GPT2: variants seen among roughly 807,000 people sequenced by gnomAD.
GPT2 encodes alanine aminotransferase 2.
GPT2 carries 30 observed loss-of-function variants against 56.9 expected under a neutral mutation model. The ratio of observed to expected loss-of-function variants is 0.53; its 90% CI spans 0.39 to 0.72. The LOEUF (loss-of-function observed/expected upper bound fraction) is 0.72. Among genes scored for constraint, GPT2 ranks in the 30% least tolerant of loss-of-function variants. The pLI is 0.00. For synonymous variants in GPT2, 271 were observed against 283.1 expected, an observed-to-expected ratio of 0.96 and a Z score of 0.43; for missense variants, 542 against 703.4, an observed-to-expected ratio of 0.77 and a Z score of 2.60.
chr16:46,917,788 A>G (rs1199761747), intron 7 of GPT2, among the ~76,000 whole-genome samples: 1 of 152,028 alleles, frequency 6.6e-6, no homozygotes, highest in Non-Finnish European at 1.5e-5. Context: ...ACATACACAC[A>G]CAGCTTACCC....
chr16:46,926,756 C>T (rs1961423105), intron 10 of GPT2, among the ~76,000 whole-genome samples, 169 bp from the exon 11 acceptor site: 4 of 152,212 alleles, frequency 2.6e-5, no homozygotes, highest in South Asian at 4.1e-4. Flanking sequence ...GTGCCTGGCA[C>T]CAGCCACCAG....
chr16:46,888,811 G>A lies in GPT2; in HGVS notation c.243+3853G>A, dbSNP rs1006964669. Among the ~76,000 whole-genome samples the A allele has an allele frequency of 1.7e-4, 26 of 151,320 alleles. 1 individual carries two copies. The highest frequency in any genetic ancestry group is 5.9e-4 in the Admixed American group (9 of 15,176). ...ACTACAGGTGTGCACCACCATGCCC[G>A]GCTAATTTTTAAATTTTTTATAGAG... On this transcript the variant is annotated intron_variant, in intron 2 of 11. Coordinates refer to ENST00000340124, the MANE Select transcript of GPT2 (RefSeq NM_133443.4).
chr16:46,900,653 G>A lies in GPT2; in HGVS notation c.334-29G>A, dbSNP rs748872980. 3.2e-6 allele frequency: 5 copies of A among 1,567,690 alleles called. No homozygotes were observed. The Admixed American group carries it at 8.4e-5, about 26-fold the overall frequency. On this transcript the variant is annotated intron_variant, in intron 3 of 11. Transcript: ENST00000340124. ...TGGAGCTCTAGGAGTGGGGGTGCTG[G>A]GAGCTCAGCCTGTGTCTTGTTCCCC...
Position 46,902,361 on chromosome 16 carries a change from C to G in GPT2, c.442+1571C>G, listed in dbSNP as rs140905349. On this transcript the variant is annotated intron_variant, in intron 4 of 11. Coordinates refer to ENST00000340124, the MANE Select transcript of GPT2 (RefSeq NM_133443.4). ...AGGAAGTACTTTGTACCCACCTCCT[C>G]GGCTTGCAAGGAAGGTTCATGTGTG... is the stretch of plus-strand genomic sequence containing the variant. 8.0e-3 allele frequency among the ~76,000 whole-genome samples: 1,221 copies of G among 152,242 alleles called. 20 individuals carry two copies. Among genetic ancestry groups the G allele is most frequent in the African/African-American group, 0.028 (1,143 of 41,526 alleles).
Position 46,907,487 on chromosome 16 carries a change from G to C in GPT2, c.576+512G>C, listed in dbSNP as rs61684888. On this transcript the variant is annotated intron_variant, in intron 5 of 11. Coordinates refer to ENST00000340124, the MANE Select transcript of GPT2 (RefSeq NM_133443.4). Reference sequence around the variant, plus strand: ...GCGGGGGCAGGAAGTCTCCAAGGAAGGCCGAGTAGACACCGACCTGAGGGA... The same window carrying C: ...GCGGGGGCAGGAAGTCTCCAAGGAACGCCGAGTAGACACCGACCTGAGGGA... Among the ~76,000 whole-genome samples, 53 of 152,336 alleles carry C rather than the reference G, an allele frequency of 3.5e-4. No individual in the cohort carries two copies. The East Asian group carries it at 9.9e-3, about 28-fold the overall frequency.
intron 2 of GPT2, among the ~76,000 whole-genome samples, chr16:46,892,783 A>C (rs574954371): frequency 1.3e-5 from 2 of 151,820 alleles, no homozygotes; most frequent in Non-Finnish European, 2.9e-5. Flanking sequence ...TTTTTTCTTG[A>C]GTTGTATGAA....
chr16:46,898,922 A>T (rs1960745704), intron 3 of GPT2, among the ~76,000 whole-genome samples: 1 of 142,276 alleles, frequency 7.0e-6, no homozygotes, highest in African/African-American at 2.7e-5. Context: ...ACACACACAT[A>T]TATATGTGTA....
At chr16:46,911,891 C>T (rs1450294235) in intron 6 of GPT2, among the ~76,000 whole-genome samples, 3 of 152,184 alleles carry the variant, frequency 2.0e-5, no homozygotes, top group Admixed American at 6.5e-5. Context: ...TTTCACCTGA[C>T]TGAGAAGAAG....
chr16:46,927,044 C>T lies in GPT2; in HGVS notation c.1481+7C>T. ...AAGGCACTTACCACTTCAGGTATGA[C>T]TTCCTCTCCGCACTAGGGGCTGGTC... On this transcript the variant is annotated splice_region_variant and intron_variant, in intron 11 of 11. Transcript: ENST00000340124. 2 of 1,559,044 alleles carry T rather than the reference C, an allele frequency of 1.3e-6. No homozygotes were observed. The highest frequency in any genetic ancestry group is 1.7e-6 in the Non-Finnish European group (2 of 1,145,912).
chr16:46,924,635 GCT>G, intron 10 of GPT2, 91 bp downstream of exon 10: 1 of 1,391,798 alleles, frequency 7.2e-7, no homozygotes, highest in Non-Finnish European at 1.0e-6. Flanking sequence ...GAGCAGAAGT[GCT>G]GGCCCTGGAG....
intron 6 of GPT2, among the ~76,000 whole-genome samples, chr16:46,912,181 C>T (rs1440620374): frequency 6.6e-6 from 1 of 152,088 alleles, no homozygotes; most frequent in African/African-American, 2.4e-5. Context: ...AACCAGGACC[C>T]TTTTGGTTTC....
At position 46,922,316 on chromosome 16, in the gene GPT2, T is replaced by C; in HGVS notation, c.1112T>C (p.Leu371Pro). The change falls in exon 9 of 12, where the codon CTG (leucine) becomes CCG (proline). Residue 371 changes from leucine (L) to proline (P), a missense_variant. Physicochemically the swap from Leu to Pro is moderately conservative, Grantham distance 98. Transcript: ENST00000340124. ...PEIKGQLVKL[L>P]SVRLCPPVSG... ...ATCAAGGGCCAGCTGGTGAAGCTGCTGTCGGTGCGCCTGTGCCCCCCAGTG... is the reference window on the plus strand; with the variant it reads ...ATCAAGGGCCAGCTGGTGAAGCTGCCGTCGGTGCGCCTGTGCCCCCCAGTG... 1 of 1,614,242 alleles carries C rather than the reference T, an allele frequency of 6.2e-7. No homozygotes were observed. The highest frequency in any genetic ancestry group is 2.2e-5 in the East Asian group (1 of 44,890).
intron 6 of GPT2, among the ~76,000 whole-genome samples, 164 bp downstream of exon 6, chr16:46,910,091 G>A (rs1003868910): frequency 1.3e-5 from 2 of 152,156 alleles, no homozygotes; most frequent in Non-Finnish European, 2.9e-5. Flanking sequence ...CACCTCAAGA[G>A]GTGAGTAGGC....
rs1961219466 is a variant in GPT2 at position 46,918,655 on chromosome 16, G to T, written c.935G>T (p.Arg312Ile). 6.2e-7 allele frequency: 1 copy of T among 1,614,096 alleles called. No individual in the cohort carries two copies. The highest frequency in any genetic ancestry group is 1.7e-5 in the Admixed American group (1 of 60,006). ...YQDNVYSPDC[R>I]FHSFKKVLYE... ...GACAACGTGTACTCTCCAGATTGCA[G>T]ATTCCACTCCTTCAAGAAGGTGCTG... The change falls in exon 8 of 12, where the codon AGA becomes ATA. Residue 312 changes from arginine to isoleucine, a missense_variant. Transcript: ENST00000340124.
At position 46,907,843 on chromosome 16, in the gene GPT2, G is replaced by A. The variant is rs117961975; in HGVS notation, c.576+868G>A. Among the ~76,000 whole-genome samples the A allele has an allele frequency of 4.6e-4, 70 of 152,358 alleles. No homozygotes were observed. In the East Asian group the frequency reaches 0.013, roughly 27 times the overall value. On this transcript the variant is annotated intron_variant, in intron 5 of 11. Transcript: ENST00000340124. ...CACAGGAGGCAAAAGGAGGTATCTC[G>A]GGCTGGGGTCAGCTACCGATGGGGT... is the stretch of plus-strand genomic sequence containing the variant.
chr16:46,899,647 C>A (rs1960778518), intron 3 of GPT2, among the ~76,000 whole-genome samples: 1 of 152,172 alleles, frequency 6.6e-6, no homozygotes, highest in Admixed American at 6.5e-5. Flanking sequence ...AATCAGACCA[C>A]ACAGAGTGGC....
Position 46,884,961 on chromosome 16 carries a change from G to T in GPT2, c.243+3G>T. 6.7e-7 allele frequency: 1 copy of T among 1,495,438 alleles called. No individual in the cohort carries two copies. Among genetic ancestry groups the T allele is most frequent in the Non-Finnish European group, 9.0e-7 (1 of 1,116,526 alleles). The allele number at this position is 1,495,438 out of a possible 1,614,324, so 92.6% of individuals were successfully genotyped here. ...AGATCGAGCTCGAGCTGCAGCGGGT[G>T]AGCGCGCGCTGGGCCCCGGGGAGGC... On this transcript the variant is annotated splice_donor_region_variant and intron_variant, in intron 2 of 11. Transcript: ENST00000340124.
chr16:46,925,257 T>C (rs1377369791), intron 10 of GPT2, among the ~76,000 whole-genome samples: 1 of 152,026 alleles, frequency 6.6e-6, no homozygotes, highest in Non-Finnish European at 1.5e-5. Context: ...AGTCTTGCTC[T>C]GTCGCCCAGG....
chr16:46,896,425 TTCAG>T (rs1390588297), intron 2 of GPT2, among the ~76,000 whole-genome samples: 1 of 152,094 alleles, frequency 6.6e-6, no homozygotes, highest in African/African-American at 2.4e-5. Context: ...CAATTTGCTC[TTCAG>T]TCAGTCTTTT....
Sources: allele counts gnomAD v4.1 joint callset (sites outside exome capture counted in the v4.1 genomes callset), GRCh38; gene constraint gnomAD v4.1.1; transcripts MANE v1.5; gene names NCBI Gene and HGNC (gene_info 2026-07-23, HGNC 2026-07-21).